CFAP65: variants seen among roughly 807,000 people sequenced by gnomAD.
The protein encoded by CFAP65 is cilia- and flagella-associated protein 65.
Under a neutral mutation model 208.0 loss-of-function variants are expected in CFAP65, and 155 were observed. That is an observed-to-expected ratio of 0.75 (90% CI 0.65 to 0.85). The LOEUF (loss-of-function observed/expected upper bound fraction) is 0.85, where lower values mean the gene tolerates loss of function less well. Among genes scored for constraint, CFAP65 ranks in the 40% least tolerant of loss-of-function variants. The pLI is 0.00. For synonymous variants in CFAP65, 970 were observed against 986.3 expected, an observed-to-expected ratio of 0.98 and a Z score of 0.31; for missense variants, 2,294 against 2,451.3, an observed-to-expected ratio of 0.94 and a Z score of 1.36.
rs1454795206 is a variant in CFAP65 at position 219,009,960 on chromosome 2, A to G, written c.4434T>C (p.Ser1478=). ...CTCTCACCTCCCCAAAATCTAGAGG[A>G]CTTGGCTGCCAGGAGAAGGCAATTT... ...NEEIAFSWQP[S]PLDFGEVSVS... Residue 1478 remains serine (S), a synonymous_variant, in exon 27 of 35, where the codon AGT becomes AGC. Transcript: ENST00000341552. 6.2e-7 allele frequency: 1 copy of G among 1,611,326 alleles called. No homozygotes were observed. Among genetic ancestry groups the G allele is most frequent in the Admixed American group, 1.7e-5 (1 of 59,768 alleles).
rs762555202 is a variant in CFAP65 at position 219,010,943 on chromosome 2, G to T, written c.4011C>A (p.Thr1337=). Reference sequence around the variant, plus strand: ...TTTCCTGAACCTGTGACAGGACATCGGTCTGGACCTCATATGTCACGGGCA... The same window carrying T: ...TTTCCTGAACCTGTGACAGGACATCTGTCTGGACCTCATATGTCACGGGCA... ...GSVPVTYEVQ[T]DVLSQVQEKN... is the part of the protein sequence containing the mutation. The change falls in exon 25 of 35, where the codon ACC becomes ACA. Residue 1337 remains threonine (T), a synonymous_variant. Coordinates refer to ENST00000341552, the MANE Select transcript of CFAP65 (RefSeq NM_194302.4). 1.2e-6 allele frequency: 2 copies of T among 1,613,804 alleles called. No individual in the cohort carries two copies. The highest frequency in any genetic ancestry group is 1.3e-5 in the African/African-American group (1 of 75,050).
chr2:219,019,410 A>C (rs947303392), intron 20 of CFAP65, 96 bp downstream of exon 20: 19 of 1,185,200 alleles, frequency 1.6e-5, no homozygotes, highest in Non-Finnish European at 2.0e-5. Context: ...GATGGGAAAC[A>C]GCTTCCTTGT....
chr2:219,010,214 T>G, intron 26 of CFAP65, 129 bp from the exon 27 acceptor site: 1 of 881,810 alleles, frequency 1.1e-6, no homozygotes, highest in Non-Finnish European at 1.7e-6. Flanking sequence ...CCACTGTGCC[T>G]GGCCCTTTTG....
At chr2:219,021,099 C>T (rs1028971768) in intron 19 of CFAP65, 53 bp downstream of exon 19, 2 of 1,466,926 alleles carry the variant, frequency 1.4e-6, no homozygotes, top group African/African-American at 1.4e-5. Context: ...AGCCCTCCCC[C>T]TTCATCCTGC....
At chr2:219,027,605 C>T in intron 13 of CFAP65, 45 bp downstream of exon 13, 1 of 1,613,308 alleles carries the variant, frequency 6.2e-7, no homozygotes, top group Non-Finnish European at 8.5e-7. Context: ...CACTCAGGCT[C>T]CTAGCAGAGA....
At position 219,006,507 on chromosome 2, in the gene CFAP65, C is replaced by G. The variant is rs1413265027; in HGVS notation, c.4677G>C (p.Lys1559Asn). The G allele has an allele frequency of 6.2e-6, 10 of 1,613,506 alleles. No individual in the cohort carries two copies. Among genetic ancestry groups the G allele is most frequent in the South Asian group, 1.1e-5 (1 of 91,042 alleles). The change falls in exon 30 of 35, where the codon AAG (lysine) becomes AAC (asparagine). Residue 1559 changes from lysine (K) to asparagine (N), a missense_variant and splice_region_variant. Coordinates refer to ENST00000341552, the MANE Select transcript of CFAP65 (RefSeq NM_194302.4). Reference protein sequence around the residue: ...EFTITDMKVKKRTCCTACEPA... With the variant: ...EFTITDMKVKNRTCCTACEPA... ...GTTCACAGGCTGTGCAGCATGTTCT[C>G]TTCTGTGGAAAAAGAGAGATCCTTG...
rs1475391685 is a variant in CFAP65, at chr2:219,039,544, A to G, written c.-2-494T>C. The stretch of plus-strand genomic sequence containing the variant: ...AAGCCATCATGCATGAAATCATAGA[A>G]CATGGCACTGCCCCCCAAAATATAA... On this transcript the variant is annotated intron_variant, in intron 2 of 34. Transcript: ENST00000341552. Among the ~76,000 whole-genome samples the G allele has an allele frequency of 2.6e-5, 4 of 152,370 alleles. No individual in the cohort carries two copies. The East Asian group carries it at 7.7e-4, about 29-fold the overall frequency.
chr2:219,009,180 A>G (rs760090892), intron 28 of CFAP65, 26 bp from the exon 29 acceptor site: 3 of 1,597,706 alleles, frequency 1.9e-6, no homozygotes, highest in Non-Finnish European at 8.6e-7. Flanking sequence ...GAGAGAGAGA[A>G]GGCCAAGGTC....
In CFAP65 at chr2:219,005,560, T is replaced by TCCCTGTGGCAGCC; in HGVS notation, c.4923-11_4924dup (p.Glu1642GlyfsTer20). ...CCTGGGGGCCTTCCTCTTTGGCAGC[T>TCCCTGTGGCAGCC]CCCTGTGGCAGCCATGACATTCTGA... is the stretch of plus-strand genomic sequence containing the variant. On this transcript the variant is annotated frameshift_variant and splice_region_variant, in exon 32 of 35. Coordinates refer to ENST00000341552, the MANE Select transcript of CFAP65 (RefSeq NM_194302.4). LOFTEE classifies it high-confidence loss of function. The TCCCTGTGGCAGCC allele has an allele frequency of 6.2e-7, 1 of 1,611,148 alleles. No individual in the cohort carries two copies. Among genetic ancestry groups the TCCCTGTGGCAGCC allele is most frequent in the African/African-American group, 1.3e-5 (1 of 74,902 alleles).
At position 219,030,829 on chromosome 2, in the gene CFAP65, A is replaced by G. The variant is rs532782593; in HGVS notation, c.1021T>C (p.Cys341Arg). 2 of 1,613,590 alleles carry G rather than the reference A, an allele frequency of 1.2e-6. No homozygotes were observed. The highest frequency in any genetic ancestry group is 1.7e-5 in the Admixed American group (1 of 59,984). Residue 341 changes from cysteine (C) to arginine (R), a missense_variant, in exon 9 of 35, where the codon TGC (cysteine) becomes CGC (arginine). By Grantham distance (180) the Cys-to-Arg change is radical. Coordinates refer to ENST00000341552, the MANE Select transcript of CFAP65 (RefSeq NM_194302.4). ...SSIQLQAVAK[C>R]AQLLVSIKHK... is the part of the protein sequence containing the mutation. ...TTTATGCTCACCAGCAGCTGGGCGC[A>G]CTTGGCTGGGGCAGAGATGGGGGAG...
chr2:219,006,099 C>A lies in CFAP65; in HGVS notation c.4844G>T (p.Gly1615Val). The change falls in exon 31 of 35, where the codon GGC (glycine) becomes GTC (valine). Residue 1615 changes from glycine (G) to valine (V), a missense_variant. Transcript: ENST00000341552. Reference protein sequence around the residue: ...QPPSPGMLCLGLTARAHATDY... With the variant: ...QPPSPGMLCLVLTARAHATDY... ...GGTGGCATGGGCTCGGGCAGTAAGG[C>A]CCAGGCAGAGCATGCCTGGCGAGGG... is the stretch of plus-strand genomic sequence containing the variant. The A allele has an allele frequency of 6.2e-7, 1 of 1,613,582 alleles. No individual in the cohort carries two copies. Among genetic ancestry groups the A allele is most frequent in the South Asian group, 1.1e-5 (1 of 91,080 alleles).
intron 21 of CFAP65, among the ~76,000 whole-genome samples, chr2:219,017,281 C>T (rs139473407): frequency 3.4e-4 from 52 of 152,326 alleles, no homozygotes; most frequent in African/African-American, 1.1e-3. Context: ...CAAGACCCTA[C>T]GAAGGCCAGG....
intron 24 of CFAP65, 67 bp from the exon 25 acceptor site, chr2:219,011,063 G>T: frequency 6.8e-7 from 1 of 1,463,442 alleles, no homozygotes; most frequent in South Asian, 1.3e-5. Flanking sequence ...AGCCTGGGAT[G>T]CTGTGCCCAC....
Position 219,003,430 on chromosome 2 carries a change from G to A in CFAP65, c.5556-158C>T, listed in dbSNP as rs1204499679. Among the ~76,000 whole-genome samples, 1 of 152,216 alleles carries A rather than the reference G, an allele frequency of 6.6e-6. No homozygotes were observed. Among genetic ancestry groups the A allele is most frequent in the Non-Finnish European group, 1.5e-5 (1 of 68,038 alleles). On this transcript the variant is annotated intron_variant, in intron 33 of 34. Transcript: ENST00000341552. The surrounding 1 kb of genome is among the most constrained non-coding windows in gnomAD (Gnocchi z 4.4). ...TGGGGCATTCTTGTTTCAATGTTAC[G>A]GACGTTCCAAGTGTGGCTAAAAGAT... is the stretch of plus-strand genomic sequence containing the variant.
In CFAP65 at chr2:219,023,429, C is replaced by G; in HGVS notation, c.2598G>C (p.Glu866Asp). 1.3e-6 allele frequency: 2 copies of G among 1,565,082 alleles called. No individual in the cohort carries two copies. Among genetic ancestry groups the G allele is most frequent in the Middle Eastern group, 1.7e-4 (1 of 5,924 alleles). Residue 866 changes from glutamate to aspartate, a missense_variant and splice_region_variant, in exon 16 of 35, where the codon GAG becomes GAC. By Grantham distance (45) the Glu-to-Asp change is conservative. Coordinates refer to ENST00000341552, the MANE Select transcript of CFAP65 (RefSeq NM_194302.4). ...GCTCCTCCCGGCTGTACATGCTCACCTCCTGGAGCCAGAGGAAGAAGGGCA... is the reference window on the plus strand; with the variant it reads ...GCTCCTCCCGGCTGTACATGCTCACGTCCTGGAGCCAGAGGAAGAAGGGCA... ...QCNASPQYLK[E>D]VSMYSREEPL...
Position 219,038,891 on chromosome 2 carries a change from A to G in CFAP65, c.153+5T>C, listed in dbSNP as rs769803157. Reference sequence around the variant, plus strand: ...CAGTGGGTGTTACTGAAGTGTGTGCATTACCTTTATCTGGCTTTTACTCTC... The same window carrying G: ...CAGTGGGTGTTACTGAAGTGTGTGCGTTACCTTTATCTGGCTTTTACTCTC... On this transcript the variant is annotated splice_donor_5th_base_variant and intron_variant, in intron 3 of 34. Coordinates refer to ENST00000341552, the MANE Select transcript of CFAP65 (RefSeq NM_194302.4). 1.9e-6 allele frequency: 3 copies of G among 1,604,014 alleles called. No homozygotes were observed.
In CFAP65 at chr2:219,006,478, G is replaced by T. The variant is rs539966943; in HGVS notation, c.4706C>A (p.Ala1569Glu). Reference sequence around the variant, plus strand: ...TCGCCGCCTCACCTTGTACTTCCTCGCAGGTTCACAGGCTGTGCAGCATGT... The same window carrying T: ...TCGCCGCCTCACCTTGTACTTCCTCTCAGGTTCACAGGCTGTGCAGCATGT... ...KRTCCTACEP[A>E]RKYKTLPPIK... The change falls in exon 30 of 35, where the codon GCG (alanine) becomes GAG (glutamate). Residue 1569 changes from alanine (A) to glutamate (E), a missense_variant. By Grantham distance (107) the Ala-to-Glu change is moderately radical (BLOSUM62 -1). Transcript: ENST00000341552. The T allele has an allele frequency of 5.0e-6, 8 of 1,613,630 alleles. No individual in the cohort carries two copies. The highest frequency in any genetic ancestry group is 6.8e-6 in the Non-Finnish European group (8 of 1,179,974).
At position 219,031,952 on chromosome 2, in the gene CFAP65, G is replaced by A. The variant is rs544858869; in HGVS notation, c.646-294C>T. On this transcript the variant is annotated intron_variant, in intron 6 of 34. Coordinates refer to ENST00000341552, the MANE Select transcript of CFAP65 (RefSeq NM_194302.4). This position sits in a 1 kb window ranked among gnomAD's most constrained non-coding sequence, Gnocchi z 5.2. ...TTTTTTTTTTTTTTTTTTGAGTCTC[G>A]CTCTGTCACCCAGGCTGGAGTGCAG... Among the ~76,000 whole-genome samples the A allele has an allele frequency of 3.7e-5, 5 of 136,404 alleles. No homozygotes were observed. The highest frequency in any genetic ancestry group is 2.3e-4 in the South Asian group (1 of 4,422). The allele number at this position is 136,404 out of a possible 152,430, so 89.5% of individuals were successfully genotyped here. A position where few individuals can be genotyped will look rare whatever the true frequency, so the allele number is the denominator to read the frequency against.
chr2:219,025,759 A>G (rs1486517530), intron 14 of CFAP65, among the ~76,000 whole-genome samples: 1 of 152,190 alleles, frequency 6.6e-6, no homozygotes, highest in South Asian at 2.1e-4. Context: ...TGAGAGTCAT[A>G]GGAGCCAGTG....
Sources: allele counts gnomAD v4.1 joint callset (sites outside exome capture counted in the v4.1 genomes callset), GRCh38; gene constraint gnomAD v4.1.1; non-coding constraint Gnocchi (gnomAD v3.1); transcripts MANE v1.5; gene names NCBI Gene and HGNC (gene_info 2026-07-23, HGNC 2026-07-21).